ABCB1: variants seen among roughly 807,000 people sequenced by gnomAD.
ABCB1 encodes ATP-dependent translocase ABCB1.
In ABCB1, 69 loss-of-function variants were observed where a neutral mutation model predicts 142.0. The ratio of observed to expected loss-of-function variants is 0.49; its 90% CI spans 0.40 to 0.59. The LOEUF (loss-of-function observed/expected upper bound fraction) is 0.59, where lower values mean the gene tolerates loss of function less well. Among genes scored for constraint, ABCB1 ranks in the 20% least tolerant of loss-of-function variants. The pLI is 0.00. For missense variants in ABCB1, 1,326 were observed against 1,554.7 expected, an observed-to-expected ratio of 0.85 and a Z score of 2.47; for synonymous variants, 532 against 539.2, an observed-to-expected ratio of 0.99 and a Z score of 0.18.
At chr7:87,557,060 C>T (rs1817341907) in intron 8 of ABCB1, among the ~76,000 whole-genome samples, 1 of 152,182 alleles carries the variant, frequency 6.6e-6, no homozygotes, top group Non-Finnish European at 1.5e-5. Flanking sequence ...AGAGGCCTGC[C>T]CCAACCACCG....
intron 25 of ABCB1, among the ~76,000 whole-genome samples, chr7:87,511,442 C>T (rs377126874): frequency 2.4e-4 from 36 of 152,130 alleles, no homozygotes; most frequent in Non-Finnish European, 3.1e-4. Context: ...CTTTCATTAG[C>T]GCAAAAATGT....
intron 1 of ABCB1, chr7:87,700,614 G>A: frequency 2.0e-6 from 3 of 1,491,038 alleles, no homozygotes; most frequent in Non-Finnish European, 2.7e-6. Flanking sequence ...ATTTGGAATA[G>A]CAGGAAGGTG....
At chr7:87,698,398 A>C (rs1050321861) in intron 1 of ABCB1, among the ~76,000 whole-genome samples, 25 of 152,084 alleles carry the variant, frequency 1.6e-4, no homozygotes, top group African/African-American at 5.8e-4. Context: ...CGGCTGCAAA[A>C]TTTTATTTTT....
At chr7:87,568,624 C>T (rs1817898766) in intron 5 of ABCB1, among the ~76,000 whole-genome samples, 1 of 152,166 alleles carries the variant, frequency 6.6e-6, no homozygotes, top group African/African-American at 2.4e-5. Flanking sequence ...CATTGCTGTT[C>T]ACAATTCAGC....
At chr7:87,545,825 C>G (rs28381916) in intron 15 of ABCB1, 38 bp downstream of exon 15, 1 of 1,603,554 alleles carries the variant, frequency 6.2e-7, no homozygotes, top group Non-Finnish European at 8.5e-7. Context: ...CAGTTTATCA[C>G]TGAGATGACT....
intron 3 of ABCB1, among the ~76,000 whole-genome samples, chr7:87,587,098 T>C (rs938090333): frequency 3.3e-5 from 5 of 152,190 alleles, no homozygotes; most frequent in Non-Finnish European, 5.9e-5. Context: ...TCATATTTCA[T>C]TGAAACACTG....
chr7:87,687,330 C>T (rs1341431936), intron 1 of ABCB1, among the ~76,000 whole-genome samples: 1 of 152,060 alleles, frequency 6.6e-6, no homozygotes. Flanking sequence ...GAATGGTTAA[C>T]ACCCTCATCC....
At chr7:87,707,168 A>G (rs1039140539) in intron 1 of ABCB1, among the ~76,000 whole-genome samples, 3 of 152,188 alleles carry the variant, frequency 2.0e-5, no homozygotes, top group Non-Finnish European at 4.4e-5. Flanking sequence ...AAATTTTCAT[A>G]CAGAATGTCT....
At chr7:87,518,771 A>T (rs1436891859) in intron 23 of ABCB1, 1 of 153,002 alleles carries the variant, frequency 6.5e-6, no homozygotes, top group Non-Finnish European at 1.5e-5. Context: ...TAATTGCTTC[A>T]GGCTTATCTT....
intron 1 of ABCB1, among the ~76,000 whole-genome samples, chr7:87,706,723 T>C (rs1051819265): frequency 6.6e-6 from 1 of 152,166 alleles, no homozygotes; most frequent in Non-Finnish European, 1.5e-5. Flanking sequence ...TTTTATTTCC[T>C]TGGGCAGACA....
At chr7:87,596,389 T>G (rs551989236) in intron 2 of ABCB1, among the ~76,000 whole-genome samples, 2 of 151,890 alleles carry the variant, frequency 1.3e-5, no homozygotes, top group Non-Finnish European at 2.9e-5. Context: ...ATGTCTGGAG[T>G]CCTAAATGGA....
At chr7:87,530,203 A>C (rs28401769) in intron 21 of ABCB1, among the ~76,000 whole-genome samples, 1,787 of 152,288 alleles carry the variant, frequency 0.012, 33 homozygotes, top group African/African-American at 0.04. Flanking sequence ...ACTCCTGGGA[A>C]TCTCAGAATG....
At chr7:87,617,600 A>C (rs1820072202) in intron 1 of ABCB1, among the ~76,000 whole-genome samples, 1 of 152,194 alleles carries the variant, frequency 6.6e-6, no homozygotes, top group Admixed American at 6.5e-5. Context: ...TAAAACAAGA[A>C]CTAGAGCTTC....
At chr7:87,505,630 T>C (rs1814698053) in intron 27 of ABCB1, among the ~76,000 whole-genome samples, 1 of 152,210 alleles carries the variant, frequency 6.6e-6, no homozygotes, top group Non-Finnish European at 1.5e-5. Flanking sequence ...CCAGTAGAAG[T>C]AGGAAATATG....
chr7:87,515,928 A>AAAAG (rs1491331140), intron 24 of ABCB1, among the ~76,000 whole-genome samples: 1 of 152,166 alleles, frequency 6.6e-6, no homozygotes, highest in East Asian at 1.9e-4. Context: ...AATGAGATCT[A>AAAAG]AAAGAGTAAA....
At chr7:87,582,000 C>T (rs888103606) in intron 4 of ABCB1, among the ~76,000 whole-genome samples, 1 of 152,120 alleles carries the variant, frequency 6.6e-6, no homozygotes, top group African/African-American at 2.4e-5. Flanking sequence ...GCATCAAAAC[C>T]TTTGATGCTA....
At chr7:87,565,122 T>C (rs1226934721) in intron 7 of ABCB1, among the ~76,000 whole-genome samples, 1 of 152,194 alleles carries the variant, frequency 6.6e-6, no homozygotes, top group East Asian at 1.9e-4. Context: ...TGACAATAAA[T>C]GCTCAATAAA....
chr7:87,684,864 A>G (rs1827305062), intron 1 of ABCB1, among the ~76,000 whole-genome samples: 2 of 152,114 alleles, frequency 1.3e-5, no homozygotes, highest in Non-Finnish European at 1.5e-5. Flanking sequence ...TGGAAAAGTG[A>G]TAACCTTTAA....
intron 1 of ABCB1, among the ~76,000 whole-genome samples, chr7:87,638,987 C>T (rs924538853): frequency 1.3e-5 from 2 of 151,932 alleles, no homozygotes; most frequent in African/African-American, 4.8e-5. Context: ...CCCGTCTCTA[C>T]TAAAAATACA....
Sources: gnomAD v4.1 joint callset for allele counts (sites outside exome capture counted in the v4.1 genomes callset) on GRCh38, gnomAD v4.1.1 for gene constraint, MANE v1.5 for transcripts, NCBI Gene and HGNC (gene_info 2026-07-23, HGNC 2026-07-21) for gene names.